Variants in PAK5 observed in about 807,000 individuals in gnomAD.
The protein encoded by PAK5 is serine/threonine-protein kinase PAK 5.
PAK5 carries 16 observed loss-of-function variants against 65.9 expected under a neutral mutation model. That is an observed-to-expected ratio of 0.24 (90% CI 0.16 to 0.37). The LOEUF (loss-of-function observed/expected upper bound fraction) is 0.37, where lower values mean the gene tolerates loss of function less well. Ranked by LOEUF, PAK5 falls within the 10% of genes least tolerant of loss-of-function variation. The probability of loss-of-function intolerance (pLI) is 1.00; values close to 1 mark genes in which losing one functional copy is unlikely to be tolerated. For missense variants in PAK5, 785 were observed against 903.9 expected (o/e 0.87, Z 1.69); for synonymous variants, 371 against 354.9 (o/e 1.05, Z -0.51).
chr20:9,554,270 A>C (rs2045473873), intron 7 of PAK5, among the ~76,000 whole-genome samples: 1 of 152,188 alleles, frequency 6.6e-6, no homozygotes, highest in Non-Finnish European at 1.5e-5. Flanking sequence ...TGGTGAAAGT[A>C]ATGTTATTTG....
At chr20:9,555,862 T>C (rs532511226) in intron 7 of PAK5, among the ~76,000 whole-genome samples, 3 of 152,312 alleles carry the variant, frequency 2.0e-5, no homozygotes, top group South Asian at 2.1e-4. Context: ...TGTGAGTAAG[T>C]CCAGGTGACT....
At chr20:9,685,702 G>C (rs957164086) in intron 2 of PAK5, among the ~76,000 whole-genome samples, 9 of 152,220 alleles carry the variant, frequency 5.9e-5, no homozygotes, top group Non-Finnish European at 1.3e-4. Context: ...ATACAAAGGG[G>C]ATAACAGTAT....
At chr20:9,773,030 C>G (rs2048851139) in intron 1 of PAK5, among the ~76,000 whole-genome samples, 1 of 152,164 alleles carries the variant, frequency 6.6e-6, no homozygotes, top group Non-Finnish European at 1.5e-5. Context: ...GATGAGAAGT[C>G]AAACTTCTCA....
At chr20:9,730,614 C>G (rs1333181199) in intron 1 of PAK5, among the ~76,000 whole-genome samples, 1 of 152,182 alleles carries the variant, frequency 6.6e-6, no homozygotes, top group Non-Finnish European at 1.5e-5. Context: ...AGGTAGAAAG[C>G]TCTTGACAAC....
At chr20:9,553,403 C>T (rs1603201733) in intron 7 of PAK5, among the ~76,000 whole-genome samples, 1 of 152,174 alleles carries the variant, frequency 6.6e-6, no homozygotes. Flanking sequence ...TACTTTTGCA[C>T]CAACCTATTA....
At chr20:9,791,589 C>CTTTTCCCACCTG (rs2049050977) in intron 1 of PAK5, among the ~76,000 whole-genome samples, 1 of 152,088 alleles carries the variant, frequency 6.6e-6, no homozygotes. Context: ...GTGCATCAGG[C>CTTTTCCCACCTG]TGGATTTGGA....
intron 1 of PAK5, among the ~76,000 whole-genome samples, chr20:9,818,018 AAAG>A (rs1429108015): frequency 6.6e-6 from 1 of 152,234 alleles, no homozygotes; most frequent in African/African-American, 2.4e-5. Context: ...TTGTAAAATC[AAAG>A]AAGGATTTTT....
intron 1 of PAK5, among the ~76,000 whole-genome samples, chr20:9,813,158 TA>T (rs1325473631): frequency 6.6e-6 from 1 of 152,046 alleles, no homozygotes; most frequent in Non-Finnish European, 1.5e-5. Flanking sequence ...TTCACGTATA[TA>T]AAAAATTCTA....
At chr20:9,582,712 T>C (rs1190006456) in intron 3 of PAK5, among the ~76,000 whole-genome samples, 1 of 152,128 alleles carries the variant, frequency 6.6e-6, no homozygotes, top group Non-Finnish European at 1.5e-5. Flanking sequence ...GGTATCTATA[T>C]AAAGTAGTTG....
chr20:9,572,269 G>A (rs1009278493), intron 4 of PAK5, among the ~76,000 whole-genome samples: 2 of 152,190 alleles, frequency 1.3e-5, no homozygotes, highest in African/African-American at 2.4e-5. Context: ...AAGGAAGAAA[G>A]TGCAAACTTT....
intron 2 of PAK5, among the ~76,000 whole-genome samples, chr20:9,706,886 A>G (rs563212930): frequency 1.1e-3 from 165 of 152,182 alleles, no homozygotes; most frequent in Middle Eastern, 3.4e-3. Flanking sequence ...TCAACCATAC[A>G]TTCATCCATT....
At chr20:9,605,000 G>C (rs1243475034) in intron 3 of PAK5, among the ~76,000 whole-genome samples, 1 of 152,194 alleles carries the variant, frequency 6.6e-6, no homozygotes, top group Non-Finnish European at 1.5e-5. Context: ...CTTTAGTGCA[G>C]GTTCTTTATT....
intron 2 of PAK5, among the ~76,000 whole-genome samples, chr20:9,649,992 A>T (rs766495014): frequency 6.6e-6 from 1 of 152,222 alleles, no homozygotes; most frequent in Non-Finnish European, 1.5e-5. Context: ...CCACATTTTG[A>T]GTACAAACTG....
chr20:9,798,896 C>T lies in PAK5; in HGVS notation c.-162+39866G>A, dbSNP rs181265477. ...CCCCAGATCTACTAATATCAGAATA[C>T]CTGGGTATAGGACACAGCAATATTT... On this transcript the variant is annotated intron_variant, in intron 1 of 9. Transcript: ENST00000353224. 1.4e-4 allele frequency among the ~76,000 whole-genome samples: 22 copies of T among 152,148 alleles called. No individual in the cohort carries two copies. In the East Asian group the frequency reaches 4.3e-3, roughly 29 times the overall value.
Position 9,644,296 on chromosome 20 carries a change from T to C in PAK5, c.33A>G (p.Ile11Met). MFGKKKKKIE[I>M]SGPSNFEHRV... ...TGTGTTCAAAGTTGGACGGGCCAGATATTTCAATCTTTTTCTTTTTCTTCC... is the reference window on the plus strand; with the variant it reads ...TGTGTTCAAAGTTGGACGGGCCAGACATTTCAATCTTTTTCTTTTTCTTCC... The change falls in exon 3 of 10, where the codon ATA becomes ATG. Residue 11 changes from isoleucine to methionine, a missense_variant. Ile to Met is a conservative substitution (Grantham distance 10). Coordinates refer to ENST00000353224, the MANE Select transcript of PAK5 (RefSeq NM_177990.4). The C allele has an allele frequency of 1.2e-6, 2 of 1,609,118 alleles. No homozygotes were observed. The highest frequency in any genetic ancestry group is 1.7e-6 in the Non-Finnish European group (2 of 1,178,658).
At chr20:9,559,741 G>A (rs997064986) in intron 6 of PAK5, among the ~76,000 whole-genome samples, 6 of 151,964 alleles carry the variant, frequency 3.9e-5, no homozygotes, top group Non-Finnish European at 5.9e-5. Context: ...CCAGCTAGGC[G>A]ACAGAGTGAG....
At chr20:9,581,763 G>A (rs183453573) in intron 3 of PAK5, among the ~76,000 whole-genome samples, 21 of 152,292 alleles carry the variant, frequency 1.4e-4, no homozygotes, top group Admixed American at 7.9e-4. Context: ...TACAAAGCCC[G>A]TCAGCCGTGC....
Position 9,747,911 on chromosome 20 carries a change from T to C in PAK5, c.-161-36476A>G, listed in dbSNP as rs1376501464. Reference sequence around the variant, plus strand: ...AAGTCAAATTGTCCCTGTTTGCAGATGACATGATTGTATATCTAGAAAACC... The same window carrying C: ...AAGTCAAATTGTCCCTGTTTGCAGACGACATGATTGTATATCTAGAAAACC... On this transcript the variant is annotated intron_variant, in intron 1 of 9. Transcript: ENST00000353224. 3.3e-4 allele frequency among the ~76,000 whole-genome samples: 50 copies of C among 152,086 alleles called. 1 individual carries two copies. Among genetic ancestry groups the C allele is most frequent in the South Asian group, 8.3e-4 (4 of 4,818 alleles).
At chr20:9,734,619 C>G (rs1266626391) in intron 1 of PAK5, among the ~76,000 whole-genome samples, 1 of 151,534 alleles carries the variant, frequency 6.6e-6, no homozygotes, top group Non-Finnish European at 1.5e-5. Flanking sequence ...ACCCCAGGAC[C>G]TGCTAATAAT....
Sources: gnomAD v4.1 joint callset for allele counts (sites outside exome capture counted in the v4.1 genomes callset) on GRCh38, gnomAD v4.1.1 for gene constraint, MANE v1.5 for transcripts, NCBI Gene and HGNC (gene_info 2026-07-23, HGNC 2026-07-21) for gene names.